RP1: variants seen among roughly 807,000 people sequenced by gnomAD.
RP1 encodes RP1 axonemal microtubule associated, also known as oxygen-regulated protein 1.
A neutral mutation model predicts 14.8 loss-of-function variants in RP1; 16 were observed. That is an observed-to-expected ratio of 1.08 (90% CI 0.73 to 1.65). The LOEUF is 1.65. RP1 is among the 40% of genes most tolerant of loss of function. The pLI, the probability that RP1 is intolerant of heterozygous loss-of-function variation, is 0.00. For missense variants in RP1, 2,631 were observed against 2,535.0 expected (o/e 1.04, Z -0.81); for synonymous variants, 876 against 883.6 (o/e 0.99, Z 0.15).
intron 22 of RP1, among the ~76,000 whole-genome samples, chr8:54,761,429 GT>G (rs1809638490): frequency 6.6e-6 from 1 of 151,832 alleles, no homozygotes; most frequent in African/African-American, 2.4e-5. Flanking sequence ...TTGAGACAGG[GT>G]TTCACCATGT....
chr8:54,608,787 C>T (rs1805521996), intron 1 of RP1, among the ~76,000 whole-genome samples: 1 of 152,126 alleles, frequency 6.6e-6, no homozygotes, highest in Non-Finnish European at 1.5e-5. Flanking sequence ...TTCTCTCTTC[C>T]TTTCAAATAA....
At chr8:54,668,306 T>G (rs991340049) in intron 7 of RP1, among the ~76,000 whole-genome samples, 1 of 152,136 alleles carries the variant, frequency 6.6e-6, no homozygotes, top group Non-Finnish European at 1.5e-5. Flanking sequence ...CACCTAGGAA[T>G]ACAACTTACA....
intron 24 of RP1, among the ~76,000 whole-genome samples, chr8:54,815,575 A>G (rs1227636307): frequency 6.6e-6 from 1 of 152,198 alleles, no homozygotes; most frequent in Non-Finnish European, 1.5e-5. Flanking sequence ...TTTCTTCAGA[A>G]TCTAAGATGG....
chr8:54,637,605 TA>T (rs1806376768), intron 3 of RP1, among the ~76,000 whole-genome samples: 1 of 152,212 alleles, frequency 6.6e-6, no homozygotes, highest in South Asian at 2.1e-4. Context: ...TTTCTGTATT[TA>T]GAGACATACT....
At chr8:54,599,866 A>G (rs60746075) in intron 1 of RP1, among the ~76,000 whole-genome samples, 2,334 of 152,198 alleles carry the variant, frequency 0.015, 67 homozygotes, top group African/African-American at 0.052. Flanking sequence ...TCTGGGTCCT[A>G]TTTAAATCTT....
chr8:54,667,932 C>A (rs979484637), intron 7 of RP1, among the ~76,000 whole-genome samples: 1 of 152,108 alleles, frequency 6.6e-6, no homozygotes, highest in Non-Finnish European at 1.5e-5. Flanking sequence ...GGTACCATTC[C>A]TTCTGAAACT....
At chr8:54,698,206 C>T (rs898134215) in intron 12 of RP1, among the ~76,000 whole-genome samples, 2 of 151,358 alleles carry the variant, frequency 1.3e-5, no homozygotes, top group Non-Finnish European at 3.0e-5. Flanking sequence ...AAAAAAACAA[C>T]CCCATCAAAA....
In RP1 at chr8:54,649,081, C is replaced by G. The variant is rs192986134; in HGVS notation, c.884C>G (p.Ser295Ter). Residue 295 changes from serine to a stop codon, truncating the protein, a stop_gained, in exon 4 of 23, where the codon TCA becomes TGA. Transcript: ENST00000636932. LOFTEE classifies it high-confidence loss of function. ...ATTCTGTATGGACAACATAGAAGTTCAGCCCCCATATATCTTTATGGAACA... is the reference window on the plus strand; with the variant it reads ...ATTCTGTATGGACAACATAGAAGTTGAGCCCCCATATATCTTTATGGAACA... The G allele has an allele frequency of 1.9e-4, 298 of 1,531,914 alleles. 2 individuals carry two copies. The East Asian group carries it at 5.6e-3, about 29-fold the overall frequency. The allele number at this position is 1,531,914 out of a possible 1,614,324, so 94.9% of individuals were successfully genotyped here.
chr8:54,854,763 G>C (rs1812149502), intron 26 of RP1, among the ~76,000 whole-genome samples: 1 of 152,170 alleles, frequency 6.6e-6, no homozygotes, highest in Non-Finnish European at 1.5e-5. Context: ...TACTCAGGAG[G>C]CTGAGGCAGG....
At chr8:54,633,193 A>G (rs1032036055), downstream of RP1, among the ~76,000 whole-genome samples, 2 of 152,176 alleles carry the variant, frequency 1.3e-5, no homozygotes, top group Admixed American at 1.3e-4. Context: ...ATTAAAATAA[A>G]TATACTATTA....
At chr8:54,816,550 T>C (rs561800656) in intron 24 of RP1, among the ~76,000 whole-genome samples, 1 of 152,342 alleles carries the variant, frequency 6.6e-6, no homozygotes, top group South Asian at 2.1e-4. Context: ...GCTTAGGATG[T>C]AGCCCAAATA....
intron 7 of RP1, among the ~76,000 whole-genome samples, chr8:54,672,513 T>G (rs1192718589): frequency 1.3e-5 from 2 of 152,094 alleles, no homozygotes; most frequent in African/African-American, 2.4e-5. Context: ...AAAAAAAGAG[T>G]ATTCTAGTTC....
At chr8:54,639,587 C>G (rs1355773490) in intron 3 of RP1, among the ~76,000 whole-genome samples, 1 of 152,148 alleles carries the variant, frequency 6.6e-6, no homozygotes, top group African/African-American at 2.4e-5. Context: ...TATTATTAGA[C>G]TTAAATTTTA....
intron 1 of RP1, among the ~76,000 whole-genome samples, chr8:54,565,394 G>A (rs966959919): frequency 9.2e-5 from 14 of 152,082 alleles, no homozygotes; most frequent in African/African-American, 3.4e-4. Flanking sequence ...GCGAAACTCC[G>A]CCTCTACTAA....
At chr8:54,622,698 A>C (rs1585559521) in intron 3 of RP1, among the ~76,000 whole-genome samples, 1 of 152,196 alleles carries the variant, frequency 6.6e-6, no homozygotes, top group African/African-American at 2.4e-5. Context: ...TATTTTTTCA[A>C]ATCTACGCTA....
At chr8:54,775,537 G>A (rs1221236359) in intron 23 of RP1, among the ~76,000 whole-genome samples, 1 of 152,140 alleles carries the variant, frequency 6.6e-6, no homozygotes, top group Non-Finnish European at 1.5e-5. Flanking sequence ...TGTGCTTGCA[G>A]CCAGCACCAC....
intron 1 of RP1, among the ~76,000 whole-genome samples, chr8:54,567,173 A>T (rs927178995): frequency 2.0e-5 from 3 of 151,848 alleles, no homozygotes; most frequent in Admixed American, 6.6e-5. Context: ...TAAAAGAAAA[A>T]CTCTTCAATA....
At chr8:54,850,050 T>C (rs2129407712) in intron 25 of RP1, among the ~76,000 whole-genome samples, 1 of 152,304 alleles carries the variant, frequency 6.6e-6, no homozygotes, top group East Asian at 1.9e-4. Flanking sequence ...TAGTTGCTAA[T>C]TGTCAGAAAG....
At chr8:54,767,586 C>A (rs1398512720) in intron 22 of RP1, among the ~76,000 whole-genome samples, 1 of 152,104 alleles carries the variant, frequency 6.6e-6, no homozygotes, top group Admixed American at 6.6e-5. Flanking sequence ...TCTTGAACTC[C>A]TGACCTCAGG....
Sources: allele counts gnomAD v4.1 joint callset (sites outside exome capture counted in the v4.1 genomes callset), GRCh38; gene constraint gnomAD v4.1.1; transcripts MANE v1.5; gene names NCBI Gene and HGNC (gene_info 2026-07-23, HGNC 2026-07-21).